Variants in ATP2B2 observed in about 807,000 individuals in gnomAD.
ATP2B2 encodes ATPase plasma membrane Ca2+ transporting 2, also known as plasma membrane calcium-transporting ATPase 2.
In ATP2B2, 15 loss-of-function variants were observed where a neutral mutation model predicts 120.0. The observed-to-expected ratio is 0.12, with a 90% CI of 0.08 to 0.19. The LOEUF (loss-of-function observed/expected upper bound fraction) is 0.19. Ranked by LOEUF, ATP2B2 falls within the 10% of genes least tolerant of loss-of-function variation. The pLI, the probability that ATP2B2 is intolerant of heterozygous loss-of-function variation, is 1.00. For synonymous variants in ATP2B2, 694 were observed against 700.3 expected, an observed-to-expected ratio of 0.99 and a Z score of 0.14; for missense variants, 1,045 against 1,719.8, an observed-to-expected ratio of 0.61 and a Z score of 6.94.
intron 1 of ATP2B2, among the ~76,000 whole-genome samples, chr3:10,455,826 C>G (rs1295489755): frequency 6.6e-6 from 1 of 152,240 alleles, no homozygotes; most frequent in Non-Finnish European, 1.5e-5. Context: ...TGACCCTGAG[C>G]AAGCCCCTTT....
chr3:10,651,121 C>T (rs1401346959), intron 1 of ATP2B2, among the ~76,000 whole-genome samples: 1 of 152,172 alleles, frequency 6.6e-6, no homozygotes, highest in Non-Finnish European at 1.5e-5. Flanking sequence ...AGGGACTTGC[C>T]TTGTCTTGGA....
intron 2 of ATP2B2, among the ~76,000 whole-genome samples, chr3:10,594,720 A>C (rs1575536062): frequency 3.8e-5 from 1 of 26,398 alleles, no homozygotes; most frequent in Non-Finnish European, 1.2e-4. Context: ...GTATAATAAT[A>C]ATAATAATAA....
At chr3:10,536,417 T>G (rs1284415936) in intron 2 of ATP2B2, among the ~76,000 whole-genome samples, 1 of 151,688 alleles carries the variant, frequency 6.6e-6, no homozygotes, top group African/African-American at 2.4e-5. Context: ...CTTCTTCTGC[T>G]TCTCTTCTTC....
intron 2 of ATP2B2, among the ~76,000 whole-genome samples, chr3:10,608,322 G>A (rs2069139633): frequency 6.6e-6 from 1 of 152,272 alleles, no homozygotes; most frequent in Admixed American, 6.5e-5. Context: ...TACTGGGGAG[G>A]CTGAGGTGGG....
chr3:10,584,707 A>T (rs1350650740), intron 2 of ATP2B2, among the ~76,000 whole-genome samples: 2 of 152,108 alleles, frequency 1.3e-5, no homozygotes, highest in Non-Finnish European at 2.9e-5. Context: ...CTTCTGAGCA[A>T]TGCTAAGGAC....
At position 10,325,391 on chromosome 3, in the gene ATP2B2, C is replaced by T. The variant is rs1318661588; in HGVS notation, c.*3423G>A. 2 of 152,158 alleles carry T rather than the reference C, an allele frequency of 1.3e-5. No homozygotes were observed. The highest frequency in any genetic ancestry group is 4.8e-5 in the African/African-American group (2 of 41,422). The allele number at this position is 152,158 out of a possible 1,614,324, so 9.4% of individuals were successfully genotyped here. A position where few individuals can be genotyped will look rare whatever the true frequency, so the allele number is the denominator to read the frequency against. On this transcript the variant is annotated 3_prime_UTR_variant, in exon 23 of 23. Transcript: ENST00000360273. ...TATGGCTGGTGCCAGATGAGACACC[C>T]AAGTAAGCGAAGAGAAGAGAAGTTC...
intron 3 of ATP2B2, among the ~76,000 whole-genome samples, chr3:10,529,972 T>A (rs1163968906): frequency 6.6e-6 from 1 of 152,120 alleles, no homozygotes; most frequent in East Asian, 1.9e-4. Context: ...AGAGTCAGCC[T>A]CCCCATCCTC....
chr3:10,460,320 G>T (rs536272974), intron 1 of ATP2B2, among the ~76,000 whole-genome samples: 67 of 152,334 alleles, frequency 4.4e-4, no homozygotes, highest in African/African-American at 1.6e-3. Context: ...TGGCTTCCCT[G>T]GGAGCTGTCC....
intron 2 of ATP2B2, among the ~76,000 whole-genome samples, chr3:10,596,955 G>C (rs931755764): frequency 6.6e-6 from 1 of 152,162 alleles, no homozygotes. Flanking sequence ...CCACAGGCGA[G>C]TACGCGTGCA....
Position 10,378,334 on chromosome 3 carries a change from C to T in ATP2B2, c.1119G>A (p.Arg373=). The T allele has an allele frequency of 6.2e-7, 1 of 1,609,052 alleles. No homozygotes were observed. Among genetic ancestry groups the T allele is most frequent in the Non-Finnish European group, 8.5e-7 (1 of 1,180,024 alleles). The change falls in exon 10 of 23, where the codon AGG becomes AGA. Residue 373 remains arginine, a synonymous_variant. Coordinates refer to ENST00000360273, the MANE Select transcript of ATP2B2 (RefSeq NM_001001331.4). ...KSAEGGDADD[R]KKASMHKKEK... ...CCTTCTTGTGCATGCTGGCCTTCTTCCTGTCGTCAGCGTCGCCGCCCTCGG... is the reference window on the plus strand; with the variant it reads ...CCTTCTTGTGCATGCTGGCCTTCTTTCTGTCGTCAGCGTCGCCGCCCTCGG...
chr3:10,605,853 T>C (rs2069050038), intron 2 of ATP2B2, among the ~76,000 whole-genome samples: 1 of 152,180 alleles, frequency 6.6e-6, no homozygotes, highest in Non-Finnish European at 1.5e-5. Context: ...TTCGCCATGT[T>C]GGCCAGGCTG....
At chr3:10,630,605 C>T (rs1269992331) in intron 1 of ATP2B2, among the ~76,000 whole-genome samples, 1 of 152,142 alleles carries the variant, frequency 6.6e-6, no homozygotes, top group Non-Finnish European at 1.5e-5. Context: ...CATGTCTTTG[C>T]TATTGGGTAA....
rs2060855301 is a variant in ATP2B2, at chr3:10,360,133, G to A, written c.1660-10C>T. 6.3e-7 allele frequency: 1 copy of A among 1,581,742 alleles called. No homozygotes were observed. Among genetic ancestry groups the A allele is most frequent in the Admixed American group, 1.7e-5 (1 of 58,982 alleles). On this transcript the variant is annotated splice_polypyrimidine_tract_variant and intron_variant, in intron 12 of 22. Coordinates refer to ENST00000360273, the MANE Select transcript of ATP2B2 (RefSeq NM_001001331.4). ...CCTCCTTCTCTGGGGGCTGCAGAGA[G>A]AGGAAGGAGCGGCTGGCACCTGGTG...
chr3:10,455,163 G>A (rs2064206310), intron 1 of ATP2B2, among the ~76,000 whole-genome samples: 1 of 152,194 alleles, frequency 6.6e-6, no homozygotes, highest in South Asian at 2.1e-4. Flanking sequence ...AGATGGGCTA[G>A]TGATTCCTAC....
chr3:10,432,861 G>GGCT (rs1559331717), intron 2 of ATP2B2, among the ~76,000 whole-genome samples: 1 of 152,234 alleles, frequency 6.6e-6, no homozygotes, highest in African/African-American at 2.4e-5. Flanking sequence ...AGAGGTTGCT[G>GGCT]TTGGCTTTGG....
At chr3:10,450,136 C>G (rs1411851476) in intron 1 of ATP2B2, among the ~76,000 whole-genome samples, 2 of 152,162 alleles carry the variant, frequency 1.3e-5, no homozygotes, top group East Asian at 3.9e-4. Context: ...ACAACACACA[C>G]ACTGTGTGTA....
At chr3:10,369,475 A>G (rs2061164000) in intron 12 of ATP2B2, among the ~76,000 whole-genome samples, 1 of 152,220 alleles carries the variant, frequency 6.6e-6, no homozygotes, top group Non-Finnish European at 1.5e-5. Context: ...GCTTTAGGGC[A>G]TCCATGGGTC....
chr3:10,566,148 A>G (rs1160973059), intron 2 of ATP2B2: 5 of 151,826 alleles, frequency 3.3e-5, no homozygotes, highest in Admixed American at 3.3e-4. Flanking sequence ...CAGTCCATCC[A>G]TCCAGCTTAT....
Position 10,355,852 on chromosome 3 carries a change from TCACGAG to T in ATP2B2, c.2136+2833_2136+2838del, listed in dbSNP as rs1385235828. ...ACTTTGGGAGGCCGAGGCGGGCGGATCACGAGGTCAGGAGATCGAGACCATCCTGGC... is the reference window on the plus strand; with the variant it reads ...ACTTTGGGAGGCCGAGGCGGGCGGATGTCAGGAGATCGAGACCATCCTGGC... On this transcript the variant is annotated intron_variant, in intron 14 of 22. Coordinates refer to ENST00000360273, the MANE Select transcript of ATP2B2 (RefSeq NM_001001331.4). Among the ~76,000 whole-genome samples the T allele has an allele frequency of 2.0e-4, 8 of 39,034 alleles. 1 individual carries two copies. The highest frequency in any genetic ancestry group is 5.2e-4 in the African/African-American group (5 of 9,678). The allele number at this position is 39,034 out of a possible 152,430, so 25.6% of individuals were successfully genotyped here.
Sources: allele counts gnomAD v4.1 joint callset (sites outside exome capture counted in the v4.1 genomes callset), GRCh38; gene constraint gnomAD v4.1.1; transcripts MANE v1.5; gene names NCBI Gene and HGNC (gene_info 2026-07-23, HGNC 2026-07-21).